Variants in FARS2 observed in about 807,000 individuals in gnomAD.
FARS2 encodes the protein phenylalanyl-tRNA synthetase 2, mitochondrial, also known as phenylalanine--tRNA ligase, mitochondrial.
Under a neutral mutation model 46.4 loss-of-function variants are expected in FARS2, and 40 were observed. The observed-to-expected ratio is 0.86, with a 90% CI of 0.67 to 1.12. FARS2 has a LOEUF of 1.12. FARS2 is among the 50% of genes most tolerant of loss of function. The pLI, the probability that FARS2 is intolerant of heterozygous loss-of-function variation, is 0.00. For missense variants in FARS2, 513 were observed against 567.9 expected, an observed-to-expected ratio of 0.90 and a Z score of 0.98; for synonymous variants, 234 against 214.9, an observed-to-expected ratio of 1.09 and a Z score of -0.78.
chr6:5,698,212 G>A (rs1561807974), intron 6 of FARS2, among the ~76,000 whole-genome samples: 1 of 152,206 alleles, frequency 6.6e-6, no homozygotes, highest in Non-Finnish European at 1.5e-5. Context: ...TAGTTCTGCA[G>A]GCTGTACAGG....
At chr6:5,253,883 T>C in the FARS2 span, among the ~76,000 whole-genome samples, 3 of 151,406 alleles carry the variant, frequency 2.0e-5, no homozygotes, top group African/African-American at 4.9e-5. Context: ...TCTTATTCCA[T>C]GCAACAATGA....
intron 4 of FARS2, among the ~76,000 whole-genome samples, chr6:5,480,223 G>A (rs1431651596): frequency 6.6e-6 from 1 of 152,222 alleles, no homozygotes; most frequent in African/African-American, 2.4e-5. Context: ...GGATGCGCCA[G>A]AAATAACAGG....
At chr6:5,538,148 CAAAA>C (rs34273142) in intron 4 of FARS2, among the ~76,000 whole-genome samples, 4 of 108,140 alleles carry the variant, frequency 3.7e-5, no homozygotes, top group Non-Finnish European at 5.6e-5. Context: ...TGGAATGAGG[CAAAA>C]AAAAAAAAAA....
At chr6:5,271,913 C>T (rs1765982759) in intron 1 of FARS2, among the ~76,000 whole-genome samples, 3 of 152,178 alleles carry the variant, frequency 2.0e-5, no homozygotes, top group African/African-American at 7.2e-5. Context: ...TGTAATGACT[C>T]AATCACGTAA....
At chr6:5,650,234 A>G (rs1359355292) in intron 6 of FARS2, among the ~76,000 whole-genome samples, 1 of 147,988 alleles carries the variant, frequency 6.8e-6, no homozygotes, top group Admixed American at 6.8e-5. Context: ...TTATCCTGGT[A>G]CCGATGTCAA....
rs550455957 is a variant in FARS2, at chr6:5,312,850, G to A, written c.-22+51190G>A. Among the ~76,000 whole-genome samples the A allele has an allele frequency of 9.8e-5, 15 of 152,292 alleles. No homozygotes were observed. In the South Asian group the frequency reaches 2.9e-3, roughly 30 times the overall value. ...CTTACATCTGGGGCTTCCTGTTGGT[G>A]ACTTGTGGTGACGGTGGACACGTTC... On this transcript the variant is annotated intron_variant, in intron 1 of 6. Coordinates refer to ENST00000274680, the MANE Select transcript of FARS2 (RefSeq NM_006567.5).
At chr6:5,710,933 G>C (rs1232210964) in intron 6 of FARS2, among the ~76,000 whole-genome samples, 1 of 152,174 alleles carries the variant, frequency 6.6e-6, no homozygotes, top group African/African-American at 2.4e-5. Context: ...TACTTCAATG[G>C]TGGCGAACAA....
the FARS2 span, among the ~76,000 whole-genome samples, chr6:5,254,921 C>T: frequency 0.29 from 43,572 of 151,912 alleles, 7,883 homozygotes; most frequent in African/African-American, 0.51. Context: ...CTACTCACGG[C>T]AGCAATTTAC....
chr6:5,605,837 A>G (rs1040894847), intron 5 of FARS2, among the ~76,000 whole-genome samples: 1 of 152,244 alleles, frequency 6.6e-6, no homozygotes, highest in Non-Finnish European at 1.5e-5. Flanking sequence ...AAGAGGCAAA[A>G]ACTGGCAGAA....
At chr6:5,501,206 G>A (rs1767781366) in intron 4 of FARS2, among the ~76,000 whole-genome samples, 1 of 152,004 alleles carries the variant, frequency 6.6e-6, no homozygotes, top group Admixed American at 6.5e-5. Flanking sequence ...GTATACCTCA[G>A]CCTTGTACTA....
intron 4 of FARS2, among the ~76,000 whole-genome samples, chr6:5,455,038 G>A (rs1039190090): frequency 4.6e-5 from 7 of 152,158 alleles, no homozygotes; most frequent in Non-Finnish European, 7.4e-5. Context: ...TGAGGACAAG[G>A]ACCTTGTTGG....
intron 1 of FARS2, among the ~76,000 whole-genome samples, chr6:5,331,490 A>G (rs1035549338): frequency 2.0e-5 from 3 of 152,204 alleles, no homozygotes; most frequent in Non-Finnish European, 4.4e-5. Flanking sequence ...CTATCTGATC[A>G]CATAAGTTAA....
intron 6 of FARS2, among the ~76,000 whole-genome samples, chr6:5,665,765 T>G (rs1778084160): frequency 6.6e-6 from 1 of 152,228 alleles, no homozygotes; most frequent in South Asian, 2.1e-4. Flanking sequence ...AACTGTATAG[T>G]ATTGCCTTTT....
At chr6:5,318,046 T>G (rs7754280) in intron 1 of FARS2, among the ~76,000 whole-genome samples, 1 of 152,116 alleles carries the variant, frequency 6.6e-6, no homozygotes, top group Non-Finnish European at 1.5e-5. Context: ...AATCTCCACC[T>G]TTGGGTCTGA....
chr6:5,695,974 C>T (rs570205288), intron 6 of FARS2, among the ~76,000 whole-genome samples: 1 of 152,164 alleles, frequency 6.6e-6, no homozygotes, highest in Non-Finnish European at 1.5e-5. Context: ...GATGCTCAGC[C>T]TCACTCATGA....
Position 5,668,550 on chromosome 6 carries a change from G to A in FARS2, c.1217+55230G>A, listed in dbSNP as rs967651777. Among the ~76,000 whole-genome samples, 9 of 152,250 alleles carry A rather than the reference G, an allele frequency of 5.9e-5. No individual in the cohort carries two copies. In the East Asian group the frequency reaches 9.6e-4, roughly 16 times the overall value. On this transcript the variant is annotated intron_variant, in intron 6 of 6. Coordinates refer to ENST00000274680, the MANE Select transcript of FARS2 (RefSeq NM_006567.5). ...ATGTTTTTTACTGTTTAATTCAGGC[G>A]AAACATTTGTTATTCTTTATGTAGA...
At chr6:5,731,924 T>C (rs75418439) in intron 6 of FARS2, among the ~76,000 whole-genome samples, 8,258 of 152,130 alleles carry the variant, frequency 0.054, 762 homozygotes, top group African/African-American at 0.19. Context: ...TGTATGAGAC[T>C]CTCACGCAGC....
chr6:5,383,476 G>A (rs1184523363), intron 2 of FARS2, among the ~76,000 whole-genome samples: 1 of 152,182 alleles, frequency 6.6e-6, no homozygotes, highest in Admixed American at 6.5e-5. Context: ...GCAAATCCTG[G>A]CTGTGCAACT....
intron 1 of FARS2, 43 bp downstream of exon 1, chr6:5,261,703 G>C (rs943477978): frequency 1.3e-5 from 2 of 152,430 alleles, no homozygotes; most frequent in Non-Finnish European, 2.9e-5. Flanking sequence ...GACGTGGGCG[G>C]TTGGTGTTGT....
Sources: gnomAD v4.1 joint callset for allele counts (sites outside exome capture counted in the v4.1 genomes callset) on GRCh38, gnomAD v4.1.1 for gene constraint, MANE v1.5 for transcripts, NCBI Gene and HGNC (gene_info 2026-07-23, HGNC 2026-07-21) for gene names.